The following KIAA0319L variants were observed in gnomAD, a reference collection of about 807,000 sequenced individuals.
KIAA0319L encodes KIAA0319 like, also known as dyslexia-associated protein KIAA0319-like protein.
In KIAA0319L, 55 loss-of-function variants were observed where a neutral mutation model predicts 120.1. The observed-to-expected ratio is 0.46, with a 90% confidence interval of 0.37 to 0.57. The LOEUF (loss-of-function observed/expected upper bound fraction) is 0.57, where lower values mean the gene tolerates loss of function less well. Ranked by LOEUF, KIAA0319L falls within the 20% of genes least tolerant of loss-of-function variation. KIAA0319L has a pLI of 0.00. For synonymous variants in KIAA0319L, 398 were observed against 471.9 expected (o/e 0.84, Z 2.03); for missense variants, 1,049 against 1,255.3 (o/e 0.84, Z 2.48).
Position 35,470,492 on chromosome 1 carries a change from C to CA in KIAA0319L, c.1113+370dup, listed in dbSNP as rs34215571. Among the ~76,000 whole-genome samples, 417 of 73,180 alleles carry CA rather than the reference C, an allele frequency of 5.7e-3. 2 individuals are homozygous for CA. The highest frequency in any genetic ancestry group is 0.016 in the African/African-American group (292 of 18,588). The allele number at this position is 73,180 out of a possible 152,430, so 48.0% of individuals were successfully genotyped here. A position where few individuals can be genotyped will look rare whatever the true frequency, so the allele number is the denominator to read the frequency against. ...TAGGTGACAGAGCAAGACCCTGTCT[C>CA]AAAAAAAAAAAAAAAAAAAAAAGAA... is the stretch of plus-strand genomic sequence containing the variant. On this transcript the variant is annotated intron_variant, in intron 6 of 20. Coordinates refer to ENST00000325722, the MANE Select transcript of KIAA0319L (RefSeq NM_024874.5).
intron 20 of KIAA0319L, chr1:35,439,002 ACT>A (rs1641006240): frequency 6.6e-6 from 1 of 152,080 alleles, no homozygotes; most frequent in South Asian, 2.1e-4. Context: ...TAAGAGTGAG[ACT>A]CTGTCTCAAA....
rs201121217 is a variant in KIAA0319L, at chr1:35,479,102, A to G, written c.777T>C (p.Ala259=). Residue 259 remains alanine (A), a synonymous_variant, in exon 4 of 21, where the codon GCT becomes GCC. Coordinates refer to ENST00000325722, the MANE Select transcript of KIAA0319L (RefSeq NM_024874.5). ...SVQPEISEGL[A]TTPSTQQVKS... ...TTACTTGTTGAGTGCTGGGCGTAGT[A>G]GCAAGACCCTCTGATATTTCAGGTT... 6 of 1,614,080 alleles carry G rather than the reference A, an allele frequency of 3.7e-6. No homozygotes were observed. The highest frequency in any genetic ancestry group is 1.3e-5 in the African/African-American group (1 of 74,930).
intron 6 of KIAA0319L, among the ~76,000 whole-genome samples, chr1:35,469,602 T>C (rs1266659234): frequency 6.6e-6 from 1 of 151,604 alleles, no homozygotes; most frequent in Non-Finnish European, 1.5e-5. Flanking sequence ...CTGCTTGAGG[T>C]ATTATCCCTT....
At position 35,453,156 on chromosome 1, in the gene KIAA0319L, T is replaced by C. The variant is rs1048276496; in HGVS notation, c.1913+401A>G. Among the ~76,000 whole-genome samples, 1 of 152,192 alleles carries C rather than the reference T, an allele frequency of 6.6e-6. No individual in the cohort carries two copies. Among genetic ancestry groups the C allele is most frequent in the African/African-American group, 2.4e-5 (1 of 41,430 alleles). On this transcript the variant is annotated intron_variant, in intron 12 of 20. Transcript: ENST00000325722. The surrounding 1 kb of genome is among the most constrained non-coding windows in gnomAD (Gnocchi z 4.1). ...GTAATGCTTTCATTTTATGGATGTATTTTCAATTTCTCTTAATAGCTGCTC... is the reference window on the plus strand; with the variant it reads ...GTAATGCTTTCATTTTATGGATGTACTTTCAATTTCTCTTAATAGCTGCTC...
At chr1:35,456,296 A>G in intron 9 of KIAA0319L, 55 bp from the exon 10 acceptor site, 1 of 1,171,302 alleles carries the variant, frequency 8.5e-7, no homozygotes, top group Non-Finnish European at 1.2e-6. Context: ...AAAGAGGAAT[A>G]AACACTAGAA....
intron 15 of KIAA0319L, 54 bp downstream of exon 15, chr1:35,449,813 C>A (rs1407370844): frequency 1.3e-6 from 2 of 1,599,932 alleles, no homozygotes; most frequent in East Asian, 2.2e-5. Context: ...AGGATAGAGG[C>A]CTTGATTGGC....
At chr1:35,539,251 T>C (rs534371608) in intron 2 of KIAA0319L, among the ~76,000 whole-genome samples, 15 of 152,192 alleles carry the variant, frequency 9.9e-5, no homozygotes, top group Admixed American at 5.9e-4. Flanking sequence ...TCAAAACAGC[T>C]TGGGAACGGA....
chr1:35,541,358 T>C (rs1055916248), intron 2 of KIAA0319L, among the ~76,000 whole-genome samples: 1 of 147,158 alleles, frequency 6.8e-6, no homozygotes, highest in African/African-American at 2.5e-5. Context: ...CCTTTTTTTT[T>C]TTTTTTTTTG....
At position 35,448,452 on chromosome 1, in the gene KIAA0319L, T is replaced by C; in HGVS notation, c.2354-120A>G. 2 of 976,460 alleles carry C rather than the reference T, an allele frequency of 2.0e-6. 1 individual carries two copies. Among genetic ancestry groups the C allele is most frequent in the South Asian group, 3.1e-5 (2 of 64,528 alleles). The allele number at this position is 976,460 out of a possible 1,614,324, so 60.5% of individuals were successfully genotyped here. On this transcript the variant is annotated intron_variant, in intron 15 of 20. Coordinates refer to ENST00000325722, the MANE Select transcript of KIAA0319L (RefSeq NM_024874.5). ...TGAGAACATTCAGATATCCTTCAAATGGAAAGGGACAATAGTGAATTCCTG... is the reference window on the plus strand; with the variant it reads ...TGAGAACATTCAGATATCCTTCAAACGGAAAGGGACAATAGTGAATTCCTG...
Position 35,433,943 on chromosome 1 carries a change from C to G in KIAA0319L, c.*951G>C, listed in dbSNP as rs894206880. On this transcript the variant is annotated 3_prime_UTR_variant, in exon 21 of 21. Transcript: ENST00000325722. ...GATGGAGAGGAGGGAGGCCGTCTGTCCAGCCTGGCTGCTCTGACAAGGGCC... is the reference window on the plus strand; with the variant it reads ...GATGGAGAGGAGGGAGGCCGTCTGTGCAGCCTGGCTGCTCTGACAAGGGCC... 1 of 152,340 alleles carries G rather than the reference C, an allele frequency of 6.6e-6. No individual in the cohort carries two copies. Among genetic ancestry groups the G allele is most frequent in the African/African-American group, 2.4e-5 (1 of 41,438 alleles). The allele number at this position is 152,340 out of a possible 1,614,324, so 9.4% of individuals were successfully genotyped here. A position where few individuals can be genotyped will look rare whatever the true frequency, so the allele number is the denominator to read the frequency against.
chr1:35,497,333 G>T (rs1277376171), intron 3 of KIAA0319L, among the ~76,000 whole-genome samples: 2 of 151,958 alleles, frequency 1.3e-5, no homozygotes, highest in Admixed American at 6.6e-5. Flanking sequence ...TGCTTAAAAG[G>T]AATGTTTCCT....
intron 20 of KIAA0319L, chr1:35,440,172 T>C (rs528464967): frequency 4.6e-5 from 7 of 152,152 alleles, no homozygotes; most frequent in Non-Finnish European, 1.0e-4. Flanking sequence ...ACAGTGTTGG[T>C]GGATCGAGCT....
intron 6 of KIAA0319L, among the ~76,000 whole-genome samples, chr1:35,469,086 T>C (rs1247220498): frequency 6.6e-6 from 1 of 152,214 alleles, no homozygotes; most frequent in East Asian, 1.9e-4. Context: ...TGGAGTGCAG[T>C]AGCATGATCA....
chr1:35,436,748 A>G (rs1377966626), intron 20 of KIAA0319L, among the ~76,000 whole-genome samples: 1 of 152,186 alleles, frequency 6.6e-6, no homozygotes, highest in African/African-American at 2.4e-5. Context: ...GGGCAGCCCT[A>G]CACTTACCAG....
intron 2 of KIAA0319L, among the ~76,000 whole-genome samples, chr1:35,547,665 T>A (rs567532968): frequency 1.3e-5 from 2 of 152,348 alleles, no homozygotes; most frequent in South Asian, 4.1e-4. Flanking sequence ...CGATTCCATT[T>A]ATGAAATGTC....
chr1:35,528,650 T>G (rs961762523), intron 2 of KIAA0319L, among the ~76,000 whole-genome samples: 2 of 152,212 alleles, frequency 1.3e-5, no homozygotes, highest in African/African-American at 4.8e-5. Context: ...ATAGTTTAAA[T>G]CCAGTGTTTT....
Position 35,504,626 on chromosome 1 carries a change from T to C in KIAA0319L, c.666+1986A>G, listed in dbSNP as rs753693018. ...AACAGCAGGCTTTTAGTAGCTACAT[T>C]CTGGGGGATTCTGAAGTTTATGCAA... On this transcript the variant is annotated intron_variant, in intron 3 of 20. Transcript: ENST00000325722. Among the ~76,000 whole-genome samples, 48 of 152,346 alleles carry C rather than the reference T, an allele frequency of 3.2e-4. 1 individual carries two copies. Among genetic ancestry groups the C allele is most frequent in the Admixed American group, 9.1e-4 (14 of 15,310 alleles).
chr1:35,446,165 T>C (rs1318801296), intron 16 of KIAA0319L, among the ~76,000 whole-genome samples: 1 of 152,128 alleles, frequency 6.6e-6, no homozygotes, highest in Non-Finnish European at 1.5e-5. Flanking sequence ...GCTTGGGCAG[T>C]GTTATGTTCA....
chr1:35,553,266 TAAATC>T (rs550537120), intron 2 of KIAA0319L, among the ~76,000 whole-genome samples: 162 of 151,818 alleles, frequency 1.1e-3, no homozygotes, highest in African/African-American at 3.8e-3. Context: ...CTGATGGTGC[TAAATC>T]AATTACTTAT....
Sources: gnomAD v4.1 joint callset for allele counts (sites outside exome capture counted in the v4.1 genomes callset) on GRCh38, gnomAD v4.1.1 for gene constraint, Gnocchi (gnomAD v3.1) non-coding constraint, MANE v1.5 for transcripts, NCBI Gene and HGNC (gene_info 2026-07-23, HGNC 2026-07-21) for gene names.